The following ZNF582 variants were observed in gnomAD, a reference collection of about 807,000 sequenced individuals.
ZNF582 encodes the protein zinc finger protein 582.
Under a neutral mutation model 12.3 loss-of-function variants are expected in ZNF582, and 14 were observed. The ratio of observed to expected loss-of-function variants is 1.14; its 90% CI spans 0.75 to 1.78. The LOEUF (loss-of-function observed/expected upper bound fraction) is 1.78, where lower values mean the gene tolerates loss of function less well. Among genes scored for constraint, ZNF582 ranks in the 40% most tolerant of loss-of-function variants. The pLI, the probability that ZNF582 is intolerant of heterozygous loss-of-function variation, is 0.00. For missense variants in ZNF582, 567 were observed against 616.5 expected (o/e 0.92, Z 0.85); for synonymous variants, 210 against 207.2 (o/e 1.01, Z -0.11).
exon 2 of ZNF582, chr19:56,391,752 T>C (rs766698699): frequency 2.5e-6 from 4 of 1,613,920 alleles, no homozygotes; most frequent in Non-Finnish European, 2.5e-6. Context: ...ACAAGGGACA[T>C]GACTTTTAGA....
Position 56,393,281 on chromosome 19 carries a change from A to G in ZNF582, c.-142T>C, listed in dbSNP as rs140573241. 1,731 of 1,242,876 alleles carry G rather than the reference A, an allele frequency of 1.4e-3. 19 individuals carry two copies. In the African/African-American group the frequency reaches 0.024, roughly 17 times the overall value. 77.0% of individuals were successfully genotyped at this position (1,242,876 alleles called of 1,614,324 possible). A position where few individuals can be genotyped will look rare whatever the true frequency, so the allele number is the denominator to read the frequency against. On this transcript the variant is annotated 5_prime_UTR_variant, in exon 1 of 5. Coordinates refer to ENST00000586929, the Ensembl canonical transcript of ZNF582. ...GCAGAAAGGGGGCGCCAGAAAGCGC[A>G]CGCCGCGAGGGCCGGCGGGAAATGT...
At chr19:56,393,073 C>A in intron 1 of ZNF582, 147 bp downstream of exon 1, 1 of 577,180 alleles carries the variant, frequency 1.7e-6, no homozygotes, top group South Asian at 1.7e-5. Flanking sequence ...TCTAAACTAG[C>A]GGTTCTAAGT....
rs763639138 is a variant in ZNF582 at position 56,385,039 on chromosome 19, G to A, written c.378C>T (p.Asn126=). 3.7e-6 allele frequency: 6 copies of A among 1,613,956 alleles called. No individual in the cohort carries two copies. The Admixed American group carries it at 1.0e-4, about 27-fold the overall frequency. Residue 126 remains asparagine, a synonymous_variant, in exon 5 of 5, where the codon AAC becomes AAT. Transcript: ENST00000586929. ...GATTTCCCTGTTGTCTGTCAAACTGGTTTCTGCATTCCCAATCATCTTGGA... is the reference window on the plus strand; with the variant it reads ...GATTTCCCTGTTGTCTGTCAAACTGATTTCTGCATTCCCAATCATCTTGGA...
intron 4 of ZNF582, among the ~76,000 whole-genome samples, chr19:56,385,484 G>C (rs1233278161): frequency 6.6e-6 from 1 of 152,104 alleles, no homozygotes; most frequent in Non-Finnish European, 1.5e-5. Flanking sequence ...CCAGGAGTTT[G>C]AGACCAGCTT....
At chr19:56,390,308 C>T in intron 3 of ZNF582, 67 bp downstream of exon 3, 1 of 1,607,462 alleles carries the variant, frequency 6.2e-7, no homozygotes, top group Non-Finnish European at 8.5e-7. Context: ...TGAAAAGCAC[C>T]CAAAAACTGA....
At chr19:56,385,446 G>A (rs969897249) in intron 4 of ZNF582, among the ~76,000 whole-genome samples, 27 of 152,172 alleles carry the variant, frequency 1.8e-4, no homozygotes, top group African/African-American at 6.3e-4. Context: ...AGTGCTTTGG[G>A]AAGCCAAGAA....
rs980620550 is a variant in ZNF582, at chr19:56,385,133, T to A, written c.284A>T (p.Tyr95Phe). The change falls in exon 5 of 5, where the codon TAT (tyrosine) becomes TTT (phenylalanine). Residue 95 changes from tyrosine (Y) to phenylalanine (F), a missense_variant. Coordinates refer to ENST00000586929, the Ensembl canonical transcript of ZNF582. ...CTCCCATTGGGGTGATTCGACTTCA[T>A]AAACATGCTGCTTTGGAAATAATTC... is the stretch of plus-strand genomic sequence containing the variant. The A allele has an allele frequency of 7.4e-6, 12 of 1,611,912 alleles. No homozygotes were observed. Among genetic ancestry groups the A allele is most frequent in the African/African-American group, 1.3e-5 (1 of 74,900 alleles).
chr19:56,386,384 A>C (rs905559055), intron 4 of ZNF582: 1 of 152,244 alleles, frequency 6.6e-6, no homozygotes, highest in Admixed American at 6.5e-5. Flanking sequence ...CCCATTATCA[A>C]CTGAATGACA....
At chr19:56,389,880 C>T (rs908585916) in intron 4 of ZNF582, 121 bp downstream of exon 4, 7 of 697,378 alleles carry the variant, frequency 1.0e-5, no homozygotes, top group South Asian at 7.7e-5. Context: ...AGGAAAACAA[C>T]ACGTAAGACA....
At chr19:56,384,284 A>T in exon 5 of ZNF582, 4 of 1,612,650 alleles carry the variant, frequency 2.5e-6, no homozygotes, top group Non-Finnish European at 3.4e-6. Context: ...TTGTGAGCTC[A>T]CTCTAAAGGC....
rs768028314 is a variant in ZNF582, at chr19:56,384,431, T to C, written c.986A>G (p.His329Arg). The C allele has an allele frequency of 6.3e-6, 10 of 1,599,232 alleles. No individual in the cohort carries two copies. In the South Asian group the frequency reaches 1.1e-4, roughly 18 times the overall value. Residue 329 changes from histidine (H) to arginine (R), a missense_variant, in exon 5 of 5, where the codon CAT (histidine) becomes CGT (arginine). By Grantham distance (29) the His-to-Arg change is conservative. Transcript: ENST00000586929. ...TTTCCTGCCAGTATGAACAGTCTGA[T>C]GTTGAATCAACTGAGAACGATGACT...
At position 56,393,125 on chromosome 19, in the gene ZNF582, GATTT is replaced by G. The variant is rs1237066678; in HGVS notation, c.-81+91_-81+94del. The G allele has an allele frequency of 1.5e-5, 16 of 1,060,852 alleles. No individual in the cohort carries two copies. In the African/African-American group the frequency reaches 2.4e-4, roughly 16 times the overall value. The allele number at this position is 1,060,852 out of a possible 1,614,324, so 65.7% of individuals were successfully genotyped here. On this transcript the variant is annotated intron_variant, in intron 1 of 4. Transcript: ENST00000586929. ...ACTCTCTGAGAACCTCATGAAACAA[GATTT>G]CCTCTCAGATTAAAAAAAAAAAAAG...
chr19:56,392,530 G>A (rs1484912732), intron 1 of ZNF582, among the ~76,000 whole-genome samples: 1 of 152,214 alleles, frequency 6.6e-6, no homozygotes, highest in Non-Finnish European at 1.5e-5. Context: ...AAATTAGTAC[G>A]TAAGTAGGCA....
rs566789856 is a variant in ZNF582, at chr19:56,385,237, G to A, written c.233-53C>T. 7 of 1,507,670 alleles carry A rather than the reference G, an allele frequency of 4.6e-6. No individual in the cohort carries two copies. In the East Asian group the frequency reaches 1.6e-4, roughly 34 times the overall value. The allele number at this position is 1,507,670 out of a possible 1,614,324, so 93.4% of individuals were successfully genotyped here. ...TGGCTTCTTTTTTTTTCCAGATAAA[G>A]GAACTAAAATAAGAACTGGAGGGTT... On this transcript the variant is annotated intron_variant, in intron 4 of 4. Transcript: ENST00000586929.
At chr19:56,391,772 G>A in exon 2 of ZNF582, 1 of 1,614,170 alleles carries the variant, frequency 6.2e-7, no homozygotes. Flanking sequence ...AATTTCAAGG[G>A]CTGATAGGTC....
At chr19:56,383,275 G>T (rs1338385608) in exon 5 of ZNF582, 1 of 152,202 alleles carries the variant, frequency 6.6e-6, no homozygotes, top group African/African-American at 2.4e-5. Context: ...CAAAAACTGA[G>T]ATTATTGTAA....
chr19:56,384,984 T>G (rs770448833), exon 5 of ZNF582: 1 of 1,614,180 alleles, frequency 6.2e-7, no homozygotes. Context: ...TCTTCATGTC[T>G]GATGATCATC....
intron 4 of ZNF582, chr19:56,387,539 A>C (rs989280724): frequency 6.6e-6 from 1 of 150,478 alleles, no homozygotes; most frequent in Non-Finnish European, 1.5e-5. Context: ...CTGATGACTT[A>C]AAAAAAAACT....
chr19:56,393,185 C>G (rs1195988111), intron 1 of ZNF582, 35 bp downstream of exon 1: 1 of 1,265,602 alleles, frequency 7.9e-7, no homozygotes, highest in Non-Finnish European at 1.0e-6. Context: ...AAAACATCCG[C>G]AATTTCAGGG....
Sources: gnomAD v4.1 joint callset for allele counts (sites outside exome capture counted in the v4.1 genomes callset) on GRCh38, gnomAD v4.1.1 for gene constraint, MANE v1.5 for transcripts, NCBI Gene and HGNC (gene_info 2026-07-23, HGNC 2026-07-21) for gene names.